KIRREL3: variants seen among roughly 807,000 people sequenced by gnomAD.
KIRREL3 encodes kirre like nephrin family adhesion molecule 3.
In KIRREL3, 36 loss-of-function variants were observed where a neutral mutation model predicts 89.7. The ratio of observed to expected loss-of-function variants is 0.40; its 90% CI spans 0.31 to 0.53. The LOEUF is 0.53. Among genes scored for constraint, KIRREL3 ranks in the 20% least tolerant of loss-of-function variants. The probability of loss-of-function intolerance (pLI) is 0.49; values close to 1 mark genes in which losing one functional copy is unlikely to be tolerated. For missense variants in KIRREL3, 864 were observed against 1,056.6 expected (o/e 0.82, Z 2.53); for synonymous variants, 445 against 441.4 (o/e 1.01, Z -0.10).
At chr11:126,922,896 T>C (rs1206899649) in intron 1 of KIRREL3, among the ~76,000 whole-genome samples, 2 of 152,208 alleles carry the variant, frequency 1.3e-5, no homozygotes, top group African/African-American at 4.8e-5. Flanking sequence ...GTCTACCCTC[T>C]TCCCAGATGG....
Position 126,996,047 on chromosome 11 carries a change from G to A in KIRREL3, c.55+4408C>T, listed in dbSNP as rs1950171753. On this transcript the variant is annotated intron_variant, in intron 1 of 16. Coordinates refer to ENST00000525144, the MANE Select transcript of KIRREL3 (RefSeq NM_032531.4). The surrounding 1 kb of genome is among the most constrained non-coding windows in gnomAD (Gnocchi z 4.7). ...CCCACCCCACTCGTCCTCCCCCTAG[G>A]GACTTTCTTTTCCATCCTCAATAGG... 6.6e-6 allele frequency among the ~76,000 whole-genome samples: 1 copy of A among 152,104 alleles called. No homozygotes were observed. The highest frequency in any genetic ancestry group is 6.5e-5 in the Admixed American group (1 of 15,268).
At position 126,981,076 on chromosome 11, in the gene KIRREL3, G is replaced by A. The variant is rs1197678728; in HGVS notation, c.55+19379C>T. On this transcript the variant is annotated intron_variant, in intron 1 of 16. Coordinates refer to ENST00000525144, the MANE Select transcript of KIRREL3 (RefSeq NM_032531.4). This position sits in a 1 kb window ranked among gnomAD's most constrained non-coding sequence, Gnocchi z 4.2. ...ATTATTCAATTTAAATTGCTACAAA[G>A]TACTATTCTTACATGATTGGCCTGA... 4.6e-5 allele frequency among the ~76,000 whole-genome samples: 7 copies of A among 152,152 alleles called. No homozygotes were observed. The highest frequency in any genetic ancestry group is 8.8e-5 in the Non-Finnish European group (6 of 68,046).
chr11:126,660,503 G>T (rs1945347347), intron 1 of KIRREL3, among the ~76,000 whole-genome samples: 1 of 152,124 alleles, frequency 6.6e-6, no homozygotes, highest in Non-Finnish European at 1.5e-5. Flanking sequence ...GCTTCCATTA[G>T]CATGGCTAAT....
At chr11:126,852,925 G>A (rs1377750530) in intron 1 of KIRREL3, among the ~76,000 whole-genome samples, 1 of 152,176 alleles carries the variant, frequency 6.6e-6, no homozygotes, top group Admixed American at 6.5e-5. Flanking sequence ...TGTCCAGGGA[G>A]CAGAAGCTCT....
Position 126,642,621 on chromosome 11 carries a change from AAAG to A in KIRREL3, c.56-79712_56-79710del, listed in dbSNP as rs1271643813. On this transcript the variant is annotated intron_variant, in intron 1 of 16. Coordinates refer to ENST00000525144, the MANE Select transcript of KIRREL3 (RefSeq NM_032531.4). The surrounding 1 kb of genome is among the most constrained non-coding windows in gnomAD (Gnocchi z 4.9). Reference sequence around the variant, plus strand: ...ACCTCTTAGAAGTAGGCCAAGGAGCAAAGAAGAAGTCCCATAAAGGTCAAGAGC... The same window carrying A: ...ACCTCTTAGAAGTAGGCCAAGGAGCAAAGAAGTCCCATAAAGGTCAAGAGC... Among the ~76,000 whole-genome samples, 1 of 152,236 alleles carries A rather than the reference AAAG, an allele frequency of 6.6e-6. No individual in the cohort carries two copies. The highest frequency in any genetic ancestry group is 2.4e-5 in the African/African-American group (1 of 41,462).
chr11:126,511,329 A>G (rs1403651056), intron 4 of KIRREL3, among the ~76,000 whole-genome samples: 3 of 61,740 alleles, frequency 4.9e-5, no homozygotes, highest in Admixed American at 3.7e-4. Flanking sequence ...ATCTCAAAGA[A>G]AAAAAAAAAA....
In KIRREL3 at chr11:126,609,082, C is replaced by T. The variant is rs978173416; in HGVS notation, c.56-46170G>A. Among the ~76,000 whole-genome samples the T allele has an allele frequency of 2.0e-5, 3 of 152,154 alleles. No homozygotes were observed. The highest frequency in any genetic ancestry group is 4.8e-5 in the African/African-American group (2 of 41,426). On this transcript the variant is annotated intron_variant, in intron 1 of 16. Transcript: ENST00000525144. The surrounding 1 kb of genome is among the most constrained non-coding windows in gnomAD (Gnocchi z 5.0). ...GAGACAGGGCTAAAGTTACTGCCCA[C>T]TCAACTCTGCATGGAATTGTGCTGA... is the stretch of plus-strand genomic sequence containing the variant.
chr11:126,732,603 G>C (rs1405474403), intron 1 of KIRREL3, among the ~76,000 whole-genome samples: 1 of 152,220 alleles, frequency 6.6e-6, no homozygotes, highest in Non-Finnish European at 1.5e-5. Context: ...GTGAGAGAGT[G>C]ACTGTTTCCT....
chr11:126,479,231 C>T (rs1405430192), intron 4 of KIRREL3, among the ~76,000 whole-genome samples: 3 of 152,160 alleles, frequency 2.0e-5, no homozygotes, highest in Non-Finnish European at 4.4e-5. Context: ...GGGTGCATCT[C>T]CCACACCTTC....
chr11:126,895,778 C>T (rs141976959), intron 1 of KIRREL3, among the ~76,000 whole-genome samples: 346 of 152,262 alleles, frequency 2.3e-3, no homozygotes, highest in Non-Finnish European at 4.0e-3. Flanking sequence ...TCCCTAACTT[C>T]CCCTTTACTG....
rs1947487231 is a variant in KIRREL3, at chr11:126,705,344, G to A, written c.56-142432C>T. ...TCATGAGGTCGGATTCCTCAGGAAT[G>A]GTTTGGCACTAACCTCTTGGTGATA... is the stretch of plus-strand genomic sequence containing the variant. On this transcript the variant is annotated intron_variant, in intron 1 of 16. Transcript: ENST00000525144. This position sits in a 1 kb window ranked among gnomAD's most constrained non-coding sequence, Gnocchi z 4.3. 6.6e-6 allele frequency among the ~76,000 whole-genome samples: 1 copy of A among 152,194 alleles called. No homozygotes were observed. The highest frequency in any genetic ancestry group is 2.1e-4 in the South Asian group (1 of 4,832).
intron 1 of KIRREL3, among the ~76,000 whole-genome samples, chr11:126,873,977 C>A (rs186425027): frequency 6.6e-6 from 1 of 152,238 alleles, no homozygotes; most frequent in Non-Finnish European, 1.5e-5. Flanking sequence ...ATCTCCCCAG[C>A]CTGGTGGTTT....
rs767720437 is a variant in KIRREL3, at chr11:126,940,210, T to G, written c.55+60245A>C. The stretch of plus-strand genomic sequence containing the variant: ...AAAGGATTGTCAAACGTGCAACAAA[T>G]CAGTGTTCTCTCATCAAAAGCATCA... On this transcript the variant is annotated intron_variant, in intron 1 of 16. Transcript: ENST00000525144. This position sits in a 1 kb window ranked among gnomAD's most constrained non-coding sequence, Gnocchi z 4.6. Among the ~76,000 whole-genome samples the G allele has an allele frequency of 6.6e-6, 1 of 152,176 alleles. No individual in the cohort carries two copies. Among genetic ancestry groups the G allele is most frequent in the Non-Finnish European group, 1.5e-5 (1 of 68,034 alleles).
Position 126,636,103 on chromosome 11 carries a change from G to C in KIRREL3, c.56-73191C>G, listed in dbSNP as rs1944255119. 1.3e-5 allele frequency among the ~76,000 whole-genome samples: 2 copies of C among 152,250 alleles called. No individual in the cohort carries two copies. The highest frequency in any genetic ancestry group is 4.2e-4 in the South Asian group (2 of 4,816). ...ACAACTCTGCCACTTACTATTTTTA[G>C]GACCTTGGGGAAGTCATATAGAATT... is the stretch of plus-strand genomic sequence containing the variant. On this transcript the variant is annotated intron_variant, in intron 1 of 16. Coordinates refer to ENST00000525144, the MANE Select transcript of KIRREL3 (RefSeq NM_032531.4). This position sits in a 1 kb window ranked among gnomAD's most constrained non-coding sequence, Gnocchi z 4.4.
Position 126,498,291 on chromosome 11 carries a change from A to G in KIRREL3, c.433+23024T>C, listed in dbSNP as rs1223241034. 6.6e-6 allele frequency among the ~76,000 whole-genome samples: 1 copy of G among 152,132 alleles called. No homozygotes were observed. The highest frequency in any genetic ancestry group is 2.4e-5 in the African/African-American group (1 of 41,448). ...AGACAAAAAGAAAAAGAAAACGCCC[A>G]TTTTCTCACTCCAAGTTTCCCCCTC... On this transcript the variant is annotated intron_variant, in intron 4 of 16. Coordinates refer to ENST00000525144, the MANE Select transcript of KIRREL3 (RefSeq NM_032531.4). This position sits in a 1 kb window ranked among gnomAD's most constrained non-coding sequence, Gnocchi z 4.3.
chr11:126,566,396 TG>T lies in KIRREL3; in HGVS notation c.56-3485del, dbSNP rs543503459. Among the ~76,000 whole-genome samples, 12 of 152,340 alleles carry T rather than the reference TG, an allele frequency of 7.9e-5. No homozygotes were observed. In the East Asian group the frequency reaches 2.3e-3, roughly 29 times the overall value. On this transcript the variant is annotated intron_variant, in intron 1 of 16. Coordinates refer to ENST00000525144, the MANE Select transcript of KIRREL3 (RefSeq NM_032531.4). This position sits in a 1 kb window ranked among gnomAD's most constrained non-coding sequence, Gnocchi z 4.9. ...GTCAGGACTGTGCCTTCTCCTGCTC[TG>T]AGCCCGTAGGACCAAGCACAGTGCC...
In KIRREL3 at chr11:126,656,991, G is replaced by C. The variant is rs1365181449; in HGVS notation, c.56-94079C>G. The stretch of plus-strand genomic sequence containing the variant: ...GGCTTGAACCCAGGAGGCTAGGGTT[G>C]TGGTGAGCTGAGATCATGCCACTGC... On this transcript the variant is annotated intron_variant, in intron 1 of 16. Coordinates refer to ENST00000525144, the MANE Select transcript of KIRREL3 (RefSeq NM_032531.4). This position sits in a 1 kb window ranked among gnomAD's most constrained non-coding sequence, Gnocchi z 4.0. Among the ~76,000 whole-genome samples the C allele has an allele frequency of 6.6e-6, 1 of 151,944 alleles. No homozygotes were observed. The highest frequency in any genetic ancestry group is 6.6e-5 in the Admixed American group (1 of 15,230).
At chr11:126,895,237 AG>A (rs1946102518) in intron 1 of KIRREL3, among the ~76,000 whole-genome samples, 1 of 151,746 alleles carries the variant, frequency 6.6e-6, no homozygotes, top group Non-Finnish European at 1.5e-5. Flanking sequence ...CTGAGATGGG[AG>A]GATCACTTGA....
intron 1 of KIRREL3, among the ~76,000 whole-genome samples, chr11:126,707,246 C>CTTTTTTTTTTT (rs33983436): frequency 1.8e-5 from 2 of 112,604 alleles, no homozygotes; most frequent in Non-Finnish European, 1.8e-5. Flanking sequence ...TTGTCCATGG[C>CTTTTTTTTTTT]TTTTTTTTTT....
Sources: gnomAD v4.1 joint callset for allele counts (sites outside exome capture counted in the v4.1 genomes callset) on GRCh38, gnomAD v4.1.1 for gene constraint, Gnocchi (gnomAD v3.1) non-coding constraint, MANE v1.5 for transcripts, NCBI Gene and HGNC (gene_info 2026-07-23, HGNC 2026-07-21) for gene names.